The following SNRK variants were observed in gnomAD, a reference collection of about 807,000 sequenced individuals.
SNRK encodes the protein SNF-related serine/threonine-protein kinase.
Under a neutral mutation model 48.2 loss-of-function variants are expected in SNRK, and 3 were observed. That is an observed-to-expected ratio of 0.06 (90% confidence interval 0.03 to 0.16). The LOEUF (loss-of-function observed/expected upper bound fraction) is 0.16. Among genes scored for constraint, SNRK ranks in the 10% least tolerant of loss-of-function variants. SNRK has a pLI of 1.00. For synonymous variants in SNRK, 376 were observed against 366.1 expected, an observed-to-expected ratio of 1.03 and a Z score of -0.31; for missense variants, 627 against 976.0, an observed-to-expected ratio of 0.64 and a Z score of 4.76.
rs918161348 is a variant in SNRK at position 43,343,072 on chromosome 3, C to T, written c.945-272C>T. Reference sequence around the variant, plus strand: ...ACTTATCTTATGTGTCTAAAACTGACGTCTAACTCAGCTGCTGTTGGCATT... The same window carrying T: ...ACTTATCTTATGTGTCTAAAACTGATGTCTAACTCAGCTGCTGTTGGCATT... On this transcript the variant is annotated intron_variant, in intron 5 of 6. Transcript: ENST00000296088. 2.6e-5 allele frequency among the ~76,000 whole-genome samples: 4 copies of T among 152,164 alleles called. No homozygotes were observed. The East Asian group carries it at 5.8e-4, about 22-fold the overall frequency.
Position 43,348,825 on chromosome 3 carries a change from C to A in SNRK, c.*268C>A. The A allele has an allele frequency of 3.1e-6, 1 of 322,750 alleles. No individual in the cohort carries two copies. 20.0% of individuals were successfully genotyped at this position (322,750 alleles called of 1,614,324 possible). A position where few individuals can be genotyped will look rare whatever the true frequency, so the allele number is the denominator to read the frequency against. Reference sequence around the variant, plus strand: ...ATCAGGATTAAATCAAGATATATATCTGGAACCTCTTATAAATGGAGCACT... The same window carrying A: ...ATCAGGATTAAATCAAGATATATATATGGAACCTCTTATAAATGGAGCACT... On this transcript the variant is annotated 3_prime_UTR_variant, in exon 7 of 7. Transcript: ENST00000296088.
At chr3:43,332,024 G>A (rs2091150328) in intron 3 of SNRK, 145 bp from the exon 4 acceptor site, 1 of 528,782 alleles carries the variant, frequency 1.9e-6, no homozygotes, top group Non-Finnish European at 3.0e-6. Flanking sequence ...CTGCCCTATT[G>A]GGGCTTCTTT....
At chr3:43,296,418 ATATATATATATATATG>A (rs1559458546) in intron 1 of SNRK, among the ~76,000 whole-genome samples, 1 of 130,322 alleles carries the variant, frequency 7.7e-6, no homozygotes, top group Non-Finnish European at 1.5e-5. Flanking sequence ...ATACTGGCAT[ATATATATATATATATG>A]TATATATATA....
At position 43,348,027 on chromosome 3, in the gene SNRK, A is replaced by G. The variant is rs1309984689; in HGVS notation, c.1768A>G (p.Ser590Gly). The G allele has an allele frequency of 4.3e-6, 7 of 1,610,678 alleles. No homozygotes were observed. The highest frequency in any genetic ancestry group is 5.9e-6 in the Non-Finnish European group (7 of 1,178,290). The change falls in exon 7 of 7, where the codon AGT becomes GGT. Residue 590 changes from serine to glycine, a missense_variant. Coordinates refer to ENST00000296088, the MANE Select transcript of SNRK (RefSeq NM_017719.5). The part of the protein sequence containing the change: ...GGGQSKPSNA[S>G]GGVDKASPSE... The stretch of plus-strand genomic sequence containing the variant: ...GGGCCAGAGCAAGCCAAGCAATGCC[A>G]GTGGAGGGGTGGACAAGGCCAGCCC...
In SNRK at chr3:43,317,595, A is replaced by G. The variant is rs77583552; in HGVS notation, c.589+13803A>G. The stretch of plus-strand genomic sequence containing the variant: ...CACAGCCCAAAAGATTGGCATCTCC[A>G]TTTCTTCCCAGACTTTCCTCTCACT... On this transcript the variant is annotated intron_variant, in intron 3 of 6. Transcript: ENST00000296088. 4.0e-3 allele frequency among the ~76,000 whole-genome samples: 611 copies of G among 152,110 alleles called. 5 individuals are homozygous for G. Among genetic ancestry groups the G allele is most frequent in the African/African-American group, 0.014 (578 of 41,506 alleles).
chr3:43,306,292 G>A (rs1395023003), intron 3 of SNRK, among the ~76,000 whole-genome samples: 2 of 151,970 alleles, frequency 1.3e-5, no homozygotes, highest in Non-Finnish European at 2.9e-5. Context: ...GCCAAAATTA[G>A]TCAGTGATTT....
At chr3:43,313,830 A>C (rs1190851381) in intron 3 of SNRK, among the ~76,000 whole-genome samples, 1 of 152,150 alleles carries the variant, frequency 6.6e-6, no homozygotes, top group Non-Finnish European at 1.5e-5. Context: ...TTTGTTGGCC[A>C]CTCTTGTGAA....
intron 2 of SNRK, among the ~76,000 whole-genome samples, chr3:43,301,839 T>G (rs1308860350): frequency 6.6e-6 from 1 of 152,224 alleles, no homozygotes; most frequent in East Asian, 1.9e-4. Flanking sequence ...TGGATTTTGT[T>G]ACTCAGTTCT....
intron 3 of SNRK, among the ~76,000 whole-genome samples, chr3:43,304,701 T>C (rs1428802729): frequency 2.0e-5 from 3 of 152,104 alleles, no homozygotes; most frequent in Non-Finnish European, 4.4e-5. Context: ...TTCATATGTA[T>C]GAGTATTCTG....
chr3:43,324,493 G>C (rs975739610), intron 3 of SNRK, among the ~76,000 whole-genome samples: 28 of 149,148 alleles, frequency 1.9e-4, no homozygotes, highest in African/African-American at 6.5e-4. Flanking sequence ...TGGGTGATAG[G>C]GTGAGACTCT....
intron 1 of SNRK, among the ~76,000 whole-genome samples, chr3:43,287,811 CG>C (rs1240803420): frequency 6.6e-6 from 1 of 152,084 alleles, no homozygotes; most frequent in Non-Finnish European, 1.5e-5. Flanking sequence ...CTTTAAAGCC[CG>C]GGTTGTCAAG....
At chr3:43,296,415 C>CATATATATATATATATGTAT (rs2090853368) in intron 1 of SNRK, among the ~76,000 whole-genome samples, 4 of 127,242 alleles carry the variant, frequency 3.1e-5, no homozygotes, top group African/African-American at 1.4e-4. Context: ...GATATACTGG[C>CATATATATATATATATGTAT]ATATATATAT....
intron 3 of SNRK, among the ~76,000 whole-genome samples, chr3:43,311,696 C>T (rs1238738998): frequency 1.3e-5 from 2 of 152,054 alleles, no homozygotes; most frequent in African/African-American, 4.8e-5. Flanking sequence ...TGAACCTGTG[C>T]CTGCTGGGCT....
At position 43,328,305 on chromosome 3, in the gene SNRK, GT is replaced by G. The variant is rs1287719284; in HGVS notation, c.590-3851del. ...AGGAGTTTGTAGTTTTGTTAACACG[GT>G]TTTTTTTTTTTTCTTATGGAAAAAG... On this transcript the variant is annotated intron_variant, in intron 3 of 6. Transcript: ENST00000296088. Among the ~76,000 whole-genome samples, 407 of 144,288 alleles carry G rather than the reference GT, an allele frequency of 2.8e-3. 3 individuals are homozygous for G. Among genetic ancestry groups the G allele is most frequent in the East Asian group, 0.014 (71 of 4,992 alleles). The allele number at this position is 144,288 out of a possible 152,430, so 94.7% of individuals were successfully genotyped here.
chr3:43,338,744 TTTTG>T (rs58665800), intron 4 of SNRK, among the ~76,000 whole-genome samples: 11,940 of 152,226 alleles, frequency 0.078, 577 homozygotes, highest in African/African-American at 0.12. Context: ...TCTTTTTAAA[TTTTG>T]TTTATTGATT....
At chr3:43,309,895 G>A (rs985817375) in intron 3 of SNRK, among the ~76,000 whole-genome samples, 4 of 151,970 alleles carry the variant, frequency 2.6e-5, no homozygotes, top group South Asian at 4.2e-4. Flanking sequence ...ACACAGCCCC[G>A]GGAGATTCTG....
chr3:43,343,664 G>A (rs2091254283), intron 6 of SNRK, among the ~76,000 whole-genome samples, 186 bp downstream of exon 6: 1 of 152,100 alleles, frequency 6.6e-6, no homozygotes, highest in Non-Finnish European at 1.5e-5. Flanking sequence ...CTCGTCACCA[G>A]GGATGCCGTC....
intron 1 of SNRK, among the ~76,000 whole-genome samples, chr3:43,299,090 A>G (rs536915580): frequency 3.2e-4 from 49 of 152,264 alleles, no homozygotes; most frequent in African/African-American, 1.1e-3. Context: ...TGTACCTACT[A>G]TGCAGTTTCA....
At chr3:43,337,797 C>A (rs1429848628) in intron 4 of SNRK, among the ~76,000 whole-genome samples, 1 of 152,186 alleles carries the variant, frequency 6.6e-6, no homozygotes, top group African/African-American at 2.4e-5. Context: ...ACTTATAGAA[C>A]CATCACTATC....
Sources: allele counts gnomAD v4.1 joint callset (sites outside exome capture counted in the v4.1 genomes callset), GRCh38; gene constraint gnomAD v4.1.1; transcripts MANE v1.5; gene names NCBI Gene and HGNC (gene_info 2026-07-23, HGNC 2026-07-21).